The following LSM3 variants were observed in gnomAD, a reference collection of about 807,000 sequenced individuals.
LSM3 encodes the protein U6 snRNA-associated Sm-like protein LSm3.
In LSM3, 14 loss-of-function variants were observed where a neutral mutation model predicts 15.4. The ratio of observed to expected loss-of-function variants is 0.91; its 90% CI spans 0.60 to 1.42. The LOEUF (loss-of-function observed/expected upper bound fraction) is 1.42, where lower values mean the gene tolerates loss of function less well. LSM3 is among the 40% of genes most tolerant of loss of function. LSM3 has a pLI of 0.00. For missense variants in LSM3, 88 were observed against 127.9 expected, an observed-to-expected ratio of 0.69 and a Z score of 1.50; for synonymous variants, 46 against 45.1, an observed-to-expected ratio of 1.02 and a Z score of -0.08.
chr3:14,192,642 C>T (rs1399738532), intron 3 of LSM3, among the ~76,000 whole-genome samples: 5 of 152,182 alleles, frequency 3.3e-5, no homozygotes, highest in Admixed American at 6.5e-5. Context: ...AAATATTCCT[C>T]CATCCCTTTA....
chr3:14,187,645 T>G (rs1697101046), intron 3 of LSM3, among the ~76,000 whole-genome samples: 1 of 152,230 alleles, frequency 6.6e-6, no homozygotes, highest in Non-Finnish European at 1.5e-5. Context: ...TTGGCCCATT[T>G]TACATTTCGC....
intron 3 of LSM3, among the ~76,000 whole-genome samples, chr3:14,191,080 G>T (rs1697134772): frequency 6.6e-6 from 1 of 151,970 alleles, no homozygotes; most frequent in African/African-American, 2.4e-5. Flanking sequence ...TTTATGTGAT[G>T]GGTTACATTG....
chr3:14,194,951 G>C (rs1414563230), intron 3 of LSM3, among the ~76,000 whole-genome samples: 1 of 152,032 alleles, frequency 6.6e-6, no homozygotes, highest in Non-Finnish European at 1.5e-5. Flanking sequence ...GTTGTTGAAA[G>C]TATACTCTGG....
Position 14,200,883 on chromosome 3 carries a change from A to G in LSM3, c.*2767A>G, listed in dbSNP as rs1697228734. ...GCGGTGACACACACCTGTAAACTCA[A>G]CCACTAAGGAGACTGAGGCGGGAGG... is the stretch of plus-strand genomic sequence containing the variant. On this transcript the variant is annotated 3_prime_UTR_variant, in exon 4 of 4. Transcript: ENST00000306024. The G allele has an allele frequency of 6.6e-6, 1 of 152,196 alleles. No homozygotes were observed. The highest frequency in any genetic ancestry group is 2.1e-4 in the South Asian group (1 of 4,826). The allele number at this position is 152,196 out of a possible 1,614,324, so 9.4% of individuals were successfully genotyped here.
chr3:14,194,897 G>T (rs1308629705), intron 3 of LSM3, among the ~76,000 whole-genome samples: 1 of 150,596 alleles, frequency 6.6e-6, no homozygotes, highest in East Asian at 2.0e-4. Flanking sequence ...TCTCCTGCCT[G>T]GGTGTTATGA....
intron 3 of LSM3, among the ~76,000 whole-genome samples, chr3:14,189,771 T>G (rs1348267510): frequency 8.5e-5 from 13 of 152,218 alleles, no homozygotes; most frequent in Admixed American, 8.5e-4. Flanking sequence ...CATGATAGTT[T>G]CTTTTGCTGT....
At chr3:14,186,457 C>A (rs1697090297) in intron 3 of LSM3, among the ~76,000 whole-genome samples, 1 of 152,182 alleles carries the variant, frequency 6.6e-6, no homozygotes, top group African/African-American at 2.4e-5. Context: ...GTGACAGGCA[C>A]GTTGTCACTG....
chr3:14,195,034 C>G lies in LSM3; in HGVS notation c.229-3002C>G, dbSNP rs533212577. The stretch of plus-strand genomic sequence containing the variant: ...TAAACATGTACTGGCTCAGCAGTCA[C>G]AGATGTGCAGTGGTTCTGCACTGCT... On this transcript the variant is annotated intron_variant, in intron 3 of 3. Transcript: ENST00000306024. 6.6e-5 allele frequency among the ~76,000 whole-genome samples: 10 copies of G among 152,200 alleles called. No individual in the cohort carries two copies. The South Asian group carries it at 1.9e-3, about 28-fold the overall frequency.
chr3:14,181,861 C>T (rs570246473), intron 2 of LSM3, among the ~76,000 whole-genome samples, 191 bp downstream of exon 2: 4 of 152,230 alleles, frequency 2.6e-5, no homozygotes, highest in African/African-American at 9.6e-5. Flanking sequence ...AATAGAAATA[C>T]GTTTATTATA....
intron 3 of LSM3, among the ~76,000 whole-genome samples, chr3:14,197,646 G>A (rs931110784): frequency 2.6e-5 from 4 of 152,170 alleles, no homozygotes; most frequent in African/African-American, 4.8e-5. Context: ...CTGAGCTCTC[G>A]CCATTATCTT....
intron 3 of LSM3, among the ~76,000 whole-genome samples, chr3:14,197,106 G>A: frequency 6.6e-6 from 1 of 152,350 alleles, no homozygotes; most frequent in Non-Finnish European, 1.5e-5. Flanking sequence ...GCTGGGCCTT[G>A]TTTCTCAAAG....
intron 3 of LSM3, among the ~76,000 whole-genome samples, chr3:14,190,751 TC>T (rs1340791792): frequency 2.0e-5 from 3 of 152,198 alleles, no homozygotes; most frequent in Non-Finnish European, 2.9e-5. Flanking sequence ...AAATTTGACT[TC>T]CTCTCTTCCT....
intron 1 of LSM3, among the ~76,000 whole-genome samples, chr3:14,180,737 A>G (rs757028163): frequency 1.4e-5 from 2 of 141,514 alleles, no homozygotes; most frequent in Non-Finnish European, 3.0e-5. Flanking sequence ...AGATGGCATG[A>G]TTTTTAATCT....
In LSM3 at chr3:14,198,159, A is replaced by G. The variant is rs527826860; in HGVS notation, c.*43A>G. ...GTATGGAAAACGGGAGACTTTGTAC[A>G]GTGGCCTCTCTAAAAGTACAAAACA... On this transcript the variant is annotated 3_prime_UTR_variant, in exon 4 of 4. Transcript: ENST00000306024. 5.2e-5 allele frequency: 74 copies of G among 1,413,830 alleles called. No homozygotes were observed. In the African/African-American group the frequency reaches 9.2e-4, roughly 17 times the overall value. 87.6% of individuals were successfully genotyped at this position (1,413,830 alleles called of 1,614,324 possible). A position where few individuals can be genotyped will look rare whatever the true frequency, so the allele number is the denominator to read the frequency against.
chr3:14,180,851 TTTTTTTA>T (rs1166203839), intron 1 of LSM3, among the ~76,000 whole-genome samples: 34 of 80,734 alleles, frequency 4.2e-4, no homozygotes, highest in African/African-American at 1.7e-3. Context: ...TTTTTTTTTT[TTTTTTTA>T]AAAAAAAAAA....
chr3:14,182,709 T>C (rs1348319225), intron 2 of LSM3, among the ~76,000 whole-genome samples: 4 of 152,234 alleles, frequency 2.6e-5, no homozygotes, highest in Non-Finnish European at 4.4e-5. Context: ...GGTACTATTA[T>C]TCTAAGCATT....
At chr3:14,181,282 A>G (rs1329444644) in intron 1 of LSM3, among the ~76,000 whole-genome samples, 1 of 152,220 alleles carries the variant, frequency 6.6e-6, no homozygotes, top group Non-Finnish European at 1.5e-5. Context: ...AACAAAGTAT[A>G]GTCATGATTA....
chr3:14,187,641 C>T (rs558105795), intron 3 of LSM3, among the ~76,000 whole-genome samples: 1 of 152,296 alleles, frequency 6.6e-6, no homozygotes, highest in South Asian at 2.1e-4. Context: ...TACCTTGGCC[C>T]ATTTTACATT....
In LSM3 at chr3:14,200,665, G is replaced by A. The variant is rs1246514109; in HGVS notation, c.*2549G>A. 2 of 152,192 alleles carry A rather than the reference G, an allele frequency of 1.3e-5. No individual in the cohort carries two copies. The highest frequency in any genetic ancestry group is 2.9e-5 in the Non-Finnish European group (2 of 68,030). 9.4% of individuals were successfully genotyped at this position (152,192 alleles called of 1,614,324 possible). A position where few individuals can be genotyped will look rare whatever the true frequency, so the allele number is the denominator to read the frequency against. Reference sequence around the variant, plus strand: ...ACAAAATATGGGACCACATCTTTGAGATGAAATGTGCCCAAAATGAAAAGT... The same window carrying A: ...ACAAAATATGGGACCACATCTTTGAAATGAAATGTGCCCAAAATGAAAAGT... On this transcript the variant is annotated 3_prime_UTR_variant, in exon 4 of 4. Coordinates refer to ENST00000306024, the MANE Select transcript of LSM3 (RefSeq NM_014463.3).
Sources: gnomAD v4.1 joint callset for allele counts (sites outside exome capture counted in the v4.1 genomes callset) on GRCh38, gnomAD v4.1.1 for gene constraint, MANE v1.5 for transcripts, NCBI Gene and HGNC (gene_info 2026-07-23, HGNC 2026-07-21) for gene names.